The following SENP7 variants were observed in gnomAD, a reference collection of about 807,000 sequenced individuals.
SENP7 encodes the protein sentrin-specific protease 7.
SENP7 carries 64 observed loss-of-function variants against 141.2 expected under a neutral mutation model. The observed-to-expected ratio is 0.45, with a 90% CI of 0.37 to 0.56. SENP7 has a LOEUF of 0.56. SENP7 is among the 20% of genes least tolerant of loss of function. The pLI is 0.00. For missense variants in SENP7, 1,025 were observed against 1,212.2 expected (o/e 0.85, Z 2.29); for synonymous variants, 382 against 426.4 (o/e 0.90, Z 1.28).
intron 3 of SENP7, among the ~76,000 whole-genome samples, chr3:101,485,401 G>A (rs2064686688): frequency 6.6e-6 from 1 of 152,062 alleles, no homozygotes; most frequent in South Asian, 2.1e-4. Flanking sequence ...GGTATCCACG[G>A]CTGAGAGATC....
At chr3:101,381,960 A>AT (rs1238447881) in intron 6 of SENP7, among the ~76,000 whole-genome samples, 1 of 152,216 alleles carries the variant, frequency 6.6e-6, no homozygotes, top group Non-Finnish European at 1.5e-5. Flanking sequence ...ATAGGAAACT[A>AT]TGACAGAGCT....
intron 4 of SENP7, among the ~76,000 whole-genome samples, chr3:101,446,948 A>T (rs1405617851): frequency 6.6e-6 from 1 of 152,208 alleles, no homozygotes; most frequent in Non-Finnish European, 1.5e-5. Context: ...ACTTAAAAAA[A>T]ATCAAACATA....
intron 3 of SENP7, among the ~76,000 whole-genome samples, chr3:101,467,049 C>T (rs1319991094): frequency 1.3e-5 from 2 of 152,216 alleles, no homozygotes; most frequent in African/African-American, 4.8e-5. Context: ...CCTGGCTCGG[C>T]AGGTCCCACG....
At chr3:101,371,876 G>A (rs1202599228) in intron 7 of SENP7, 132 bp downstream of exon 7, 1 of 360,060 alleles carries the variant, frequency 2.8e-6, no homozygotes, top group East Asian at 4.5e-5. Context: ...TTTTATTTGT[G>A]TTGCCAAATA....
chr3:101,354,371 C>A (rs142494360), intron 11 of SENP7, among the ~76,000 whole-genome samples: 1 of 151,986 alleles, frequency 6.6e-6, no homozygotes. Flanking sequence ...AGGTATTAAG[C>A]CTAGTACTCG....
rs541404833 is a variant in SENP7 at position 101,414,838 on chromosome 3, G to A, written c.482+2755C>T. Among the ~76,000 whole-genome samples, 83 of 152,046 alleles carry A rather than the reference G, an allele frequency of 5.5e-4. No homozygotes were observed. The Middle Eastern group carries it at 0.014, about 25-fold the overall frequency. ...AAATGGAAAAAAGTGGTGTTAAATT[G>A]GGTCAGAGATTTACAGGAGAGTTTT... is the stretch of plus-strand genomic sequence containing the variant. On this transcript the variant is annotated intron_variant, in intron 5 of 23. Transcript: ENST00000394095.
At chr3:101,477,061 CTG>C (rs1239841183) in intron 3 of SENP7, among the ~76,000 whole-genome samples, 1 of 152,140 alleles carries the variant, frequency 6.6e-6, no homozygotes, top group Non-Finnish European at 1.5e-5. Context: ...CCTATTCACT[CTG>C]ATGATAGTTT....
intron 1 of SENP7, among the ~76,000 whole-genome samples, chr3:101,503,373 T>TA (rs1418632416): frequency 6.6e-6 from 1 of 152,262 alleles, no homozygotes; most frequent in Non-Finnish European, 1.5e-5. Context: ...GTCCAACAAT[T>TA]ACACTTTTAG....
At chr3:101,449,238 C>T (rs903498519) in intron 4 of SENP7, among the ~76,000 whole-genome samples, 4 of 152,120 alleles carry the variant, frequency 2.6e-5, no homozygotes, top group East Asian at 1.9e-4. Context: ...ACCAAATCTA[C>T]GTCTGATTGG....
intron 3 of SENP7, among the ~76,000 whole-genome samples, chr3:101,479,776 G>A (rs1257274239): frequency 2.1e-5 from 3 of 145,910 alleles, no homozygotes; most frequent in Non-Finnish European, 4.5e-5. Context: ...CTGCACTCCA[G>A]CCTGGACAAC....
At chr3:101,348,146 TTA>T (rs1491154858) in intron 12 of SENP7, 95 bp from the exon 13 acceptor site, 1 of 787,700 alleles carries the variant, frequency 1.3e-6, no homozygotes, top group Non-Finnish European at 1.8e-6. Flanking sequence ...ACTACTTTTT[TTA>T]AAAAAAAGAG....
chr3:101,374,945 T>C (rs576454095), intron 6 of SENP7, among the ~76,000 whole-genome samples: 1 of 151,916 alleles, frequency 6.6e-6, no homozygotes, highest in Non-Finnish European at 1.5e-5. Flanking sequence ...AATTAAAAAA[T>C]GGGCAAAGTA....
At chr3:101,439,228 C>T (rs1197570686) in intron 4 of SENP7, among the ~76,000 whole-genome samples, 5 of 102,412 alleles carry the variant, frequency 4.9e-5, no homozygotes, top group South Asian at 3.6e-4. Context: ...GCCGAGACCC[C>T]GTCTGGGAGG....
chr3:101,475,632 A>G (rs144147152), intron 3 of SENP7, among the ~76,000 whole-genome samples: 532 of 152,332 alleles, frequency 3.5e-3, no homozygotes, highest in Non-Finnish European at 5.3e-3. Context: ...CTGTGCAGCA[A>G]AACACCATGG....
At chr3:101,508,722 CTT>C (rs2065730891) in intron 1 of SENP7, among the ~76,000 whole-genome samples, 1 of 152,166 alleles carries the variant, frequency 6.6e-6, no homozygotes, top group Non-Finnish European at 1.5e-5. Flanking sequence ...TAAATCCACT[CTT>C]TGCCCTTATA....
chr3:101,379,763 T>C (rs1001368089), intron 6 of SENP7, among the ~76,000 whole-genome samples: 4 of 152,196 alleles, frequency 2.6e-5, no homozygotes, highest in African/African-American at 9.6e-5. Context: ...AATAATAGTA[T>C]GATGTTTCCT....
At chr3:101,457,131 G>A in intron 4 of SENP7, 1 of 755,618 alleles carries the variant, frequency 1.3e-6, no homozygotes, top group Non-Finnish European at 2.2e-6. Flanking sequence ...AAATATTAGA[G>A]ATCTAGATTT....
chr3:101,464,650 G>GT (rs1358484539), intron 3 of SENP7, among the ~76,000 whole-genome samples: 2 of 151,998 alleles, frequency 1.3e-5, no homozygotes, highest in Non-Finnish European at 2.9e-5. Flanking sequence ...CTACATTATG[G>GT]TAAGTTGTAT....
At chr3:101,435,712 T>C (rs1375178736) in intron 4 of SENP7, among the ~76,000 whole-genome samples, 1 of 151,838 alleles carries the variant, frequency 6.6e-6, no homozygotes, top group Non-Finnish European at 1.5e-5. Flanking sequence ...TACCTAGGAA[T>C]TAACCAAAGA....
Sources: allele counts gnomAD v4.1 joint callset (sites outside exome capture counted in the v4.1 genomes callset), GRCh38; gene constraint gnomAD v4.1.1; transcripts MANE v1.5; gene names NCBI Gene and HGNC (gene_info 2026-07-23, HGNC 2026-07-21).